Variants in CSMD1 observed in about 807,000 individuals in gnomAD.
CSMD1 encodes the protein CUB and sushi domain-containing protein 1.
CSMD1 carries 213 observed loss-of-function variants against 417.5 expected under a neutral mutation model. The ratio of observed to expected loss-of-function variants is 0.51; its 90% CI spans 0.46 to 0.57. The LOEUF is 0.57. Among genes scored for constraint, CSMD1 ranks in the 20% least tolerant of loss-of-function variants. CSMD1 has a pLI of 0.00. For synonymous variants in CSMD1, 2,862 were observed against 1,736.8 expected (o/e 1.65, Z -16.11); for missense variants, 6,923 against 4,529.7 (o/e 1.53, Z -15.17).
intron 2 of CSMD1, among the ~76,000 whole-genome samples, chr8:4,458,129 A>C (rs191692173): frequency 1.3e-5 from 2 of 152,112 alleles, no homozygotes; most frequent in Admixed American, 6.5e-5. Context: ...TCTGTGTTTA[A>C]ATTACTTTAT....
intron 68 of CSMD1, among the ~76,000 whole-genome samples, chr8:2,947,103 G>C (rs1046867107): frequency 6.6e-6 from 1 of 152,078 alleles, no homozygotes; most frequent in South Asian, 2.1e-4. Flanking sequence ...AGAGTTCTTC[G>C]TACATTCTGG....
rs76188769 is a variant in CSMD1, at chr8:3,716,086, C to T, written c.932-7595G>A. On this transcript the variant is annotated intron_variant, in intron 6 of 69. Coordinates refer to ENST00000635120, the MANE Select transcript of CSMD1 (RefSeq NM_033225.6). ...TTCACTCTGAAACAATCAGCCACTT[C>T]CTCCTGAAAGCACTTTCTGCCCTTT... 3.9e-3 allele frequency among the ~76,000 whole-genome samples: 595 copies of T among 152,344 alleles called. 7 individuals are homozygous for T. The highest frequency in any genetic ancestry group is 0.013 in the African/African-American group (558 of 41,584).
chr8:3,998,274 G>C (rs1245422447), intron 4 of CSMD1, among the ~76,000 whole-genome samples, 164 bp from the exon 5 acceptor site: 2 of 152,172 alleles, frequency 1.3e-5, no homozygotes, highest in African/African-American at 4.8e-5. Flanking sequence ...TGAGTTCTAT[G>C]AAAAGGCTTA....
intron 60 of CSMD1, 54 bp downstream of exon 60, chr8:2,963,168 C>T (rs992336175): frequency 1.3e-6 from 2 of 1,584,312 alleles, no homozygotes; most frequent in East Asian, 2.2e-5. Flanking sequence ...CCCTGGTTAT[C>T]CGTCCCTGTT....
chr8:4,839,330 T>C (rs543535682), intron 1 of CSMD1, among the ~76,000 whole-genome samples: 1 of 152,338 alleles, frequency 6.6e-6, no homozygotes, highest in African/African-American at 2.4e-5. Flanking sequence ...AGATAGCATA[T>C]GCAATGAATG....
At chr8:4,276,705 G>C (rs2128856214) in intron 3 of CSMD1, among the ~76,000 whole-genome samples, 1 of 152,222 alleles carries the variant, frequency 6.6e-6, no homozygotes, top group South Asian at 2.1e-4. Context: ...AGTTCCAGTG[G>C]GATCCCAATT....
At chr8:3,965,789 T>C (rs71521894) in intron 5 of CSMD1, among the ~76,000 whole-genome samples, 1 of 151,906 alleles carries the variant, frequency 6.6e-6, no homozygotes, top group Non-Finnish European at 1.5e-5. Context: ...GGCTAATATT[T>C]TGTACCTTTA....
intron 1 of CSMD1, among the ~76,000 whole-genome samples, chr8:4,928,504 T>C (rs1219216196): frequency 6.6e-6 from 1 of 152,142 alleles, no homozygotes; most frequent in African/African-American, 2.4e-5. Flanking sequence ...CCTGAGCAAG[T>C]TACTGGCCCT....
intron 10 of CSMD1, among the ~76,000 whole-genome samples, chr8:3,556,261 A>G (rs1799135738): frequency 6.6e-6 from 1 of 151,076 alleles, no homozygotes; most frequent in Admixed American, 6.6e-5. Flanking sequence ...GGTACCCATT[A>G]ACCACCCTCA....
intron 10 of CSMD1, among the ~76,000 whole-genome samples, chr8:3,511,224 C>G (rs554572905): frequency 1.3e-5 from 2 of 151,718 alleles, no homozygotes; most frequent in East Asian, 3.9e-4. Flanking sequence ...ACACCAGGGC[C>G]TGTTGGGGGG....
In CSMD1 at chr8:4,113,436, G is replaced by A. The variant is rs372846852; in HGVS notation, c.416-81337C>T. 1.9e-4 allele frequency among the ~76,000 whole-genome samples: 22 copies of A among 116,258 alleles called. No individual in the cohort carries two copies. In the South Asian group the frequency reaches 2.0e-3, roughly 10 times the overall value. 76.3% of individuals were successfully genotyped at this position (116,258 alleles called of 152,430 possible). ...TTTTTTTTAAATGAGACAGTATCTC[G>A]CTCTGTCACGCAGGCTGGACTGCAA... On this transcript the variant is annotated intron_variant, in intron 3 of 69. Coordinates refer to ENST00000635120, the MANE Select transcript of CSMD1 (RefSeq NM_033225.6).
chr8:4,800,907 C>G (rs1293175382), intron 1 of CSMD1, among the ~76,000 whole-genome samples: 1 of 152,232 alleles, frequency 6.6e-6, no homozygotes, highest in Non-Finnish European at 1.5e-5. Flanking sequence ...GTACTCATCA[C>G]AGATTCTGTA....
intron 1 of CSMD1, among the ~76,000 whole-genome samples, chr8:4,905,814 C>T (rs1379970799): frequency 2.8e-5 from 3 of 105,734 alleles, no homozygotes; most frequent in East Asian, 4.3e-4. Flanking sequence ...AGCGAGACTC[C>T]ATCTCAAAAA....
At chr8:3,546,982 C>G (rs1038315248) in intron 10 of CSMD1, among the ~76,000 whole-genome samples, 1 of 152,140 alleles carries the variant, frequency 6.6e-6, no homozygotes, top group South Asian at 2.1e-4. Flanking sequence ...AAGGGAAGAG[C>G]AAAACTGAAC....
At chr8:4,058,783 T>C (rs1481781554) in intron 3 of CSMD1, among the ~76,000 whole-genome samples, 2 of 148,414 alleles carry the variant, frequency 1.3e-5, no homozygotes, top group Non-Finnish European at 3.0e-5. Flanking sequence ...AGCACCCAGA[T>C]TCATAAAGCA....
intron 1 of CSMD1, among the ~76,000 whole-genome samples, chr8:4,640,801 T>A (rs536692654): frequency 6.6e-6 from 1 of 151,238 alleles, no homozygotes; most frequent in Non-Finnish European, 1.5e-5. Context: ...TCTGTGATAA[T>A]TGTAATGTTT....
intron 8 of CSMD1, among the ~76,000 whole-genome samples, chr8:3,614,698 A>T (rs975958018): frequency 6.6e-6 from 1 of 152,218 alleles, no homozygotes; most frequent in Non-Finnish European, 1.5e-5. Flanking sequence ...CTGGGATGAC[A>T]GGATACAAGA....
chr8:4,353,509 T>C (rs754776712), intron 3 of CSMD1, among the ~76,000 whole-genome samples: 1 of 152,028 alleles, frequency 6.6e-6, no homozygotes, highest in Admixed American at 6.6e-5. Context: ...ATGAATCCAC[T>C]GCATATGATC....
chr8:3,394,019 T>A (rs1317115212), intron 17 of CSMD1, among the ~76,000 whole-genome samples: 2,178 of 49,244 alleles, frequency 0.044, 192 homozygotes, highest in African/African-American at 0.19. Flanking sequence ...AAATTATATA[T>A]ATATATATAT....
Sources: gnomAD v4.1 joint callset for allele counts (sites outside exome capture counted in the v4.1 genomes callset) on GRCh38, gnomAD v4.1.1 for gene constraint, MANE v1.5 for transcripts, NCBI Gene and HGNC (gene_info 2026-07-23, HGNC 2026-07-21) for gene names.